Variants in PDXDC1 observed in about 807,000 individuals in gnomAD.
PDXDC1 encodes pyridoxal-dependent decarboxylase domain-containing protein 1.
Under a neutral mutation model 100.1 loss-of-function variants are expected in PDXDC1, and 42 were observed. The ratio of observed to expected loss-of-function variants is 0.42; its 90% CI spans 0.33 to 0.54. PDXDC1 has a LOEUF of 0.54. Among genes scored for constraint, PDXDC1 ranks in the 20% least tolerant of loss-of-function variants. The pLI, the probability that PDXDC1 is intolerant of heterozygous loss-of-function variation, is 0.10. For synonymous variants in PDXDC1, 260 were observed against 371.7 expected, an observed-to-expected ratio of 0.70 and a Z score of 3.46; for missense variants, 636 against 979.2, an observed-to-expected ratio of 0.65 and a Z score of 4.68.
At chr16:14,982,216 T>A (rs1309438905) in intron 1 of PDXDC1, among the ~76,000 whole-genome samples, 1 of 152,312 alleles carries the variant, frequency 6.6e-6, no homozygotes, top group Non-Finnish European at 1.5e-5. Flanking sequence ...ATGCTTAATC[T>A]TAATGAGCCA....
At chr16:15,033,118 C>G (rs2043168156) in intron 18 of PDXDC1, 139 bp downstream of exon 18, 6 of 975,548 alleles carry the variant, frequency 6.2e-6, no homozygotes, top group Non-Finnish European at 8.0e-6. Flanking sequence ...TGAGACCTCC[C>G]TCCCCTTCTG....
intron 16 of PDXDC1, chr16:15,084,748 T>G: frequency 7.3e-7 from 1 of 1,377,046 alleles, no homozygotes; most frequent in Non-Finnish European, 1.0e-6. Flanking sequence ...AAAACAAAAC[T>G]GAAGGGCGAC....
chr16:15,124,629 GGGTGCGGT>G (rs2047604477), intron 16 of PDXDC1, among the ~76,000 whole-genome samples: 1 of 149,846 alleles, frequency 6.7e-6, no homozygotes, highest in Non-Finnish European at 1.5e-5. Context: ...AAAATTAGCC[GGGTGCGGT>G]GGTGGGCGCC....
intron 1 of PDXDC1, among the ~76,000 whole-genome samples, chr16:14,992,929 G>C (rs1213423477): frequency 4.0e-5 from 6 of 151,256 alleles, no homozygotes; most frequent in African/African-American, 1.5e-4. Flanking sequence ...ATAGCTTACT[G>C]TAGCCTCAAA....
chr16:15,015,507 G>A (rs1459048604), intron 8 of PDXDC1, among the ~76,000 whole-genome samples: 1 of 152,118 alleles, frequency 6.6e-6, no homozygotes, highest in Non-Finnish European at 1.5e-5. Flanking sequence ...ACGAGGTCAG[G>A]AGTTCGAGAC....
At chr16:15,011,456 CAA>C (rs2041255273) in intron 8 of PDXDC1, among the ~76,000 whole-genome samples, 1 of 152,256 alleles carries the variant, frequency 6.6e-6, no homozygotes, top group Non-Finnish European at 1.5e-5. Context: ...TAAAATGTCT[CAA>C]AGAAAATACA....
At chr16:15,005,047 C>G (rs1308548252) in intron 5 of PDXDC1, among the ~76,000 whole-genome samples, 12 of 152,370 alleles carry the variant, frequency 7.9e-5, no homozygotes, top group Admixed American at 6.5e-4. Context: ...AAAATATTAG[C>G]TTGTGTTTTT....
chr16:15,060,852 A>G (rs953496754), intron 16 of PDXDC1: 3 of 152,236 alleles, frequency 2.0e-5, no homozygotes, highest in African/African-American at 7.2e-5. Context: ...AATTCCCAAT[A>G]ACTAAGTGAT....
intron 13 of PDXDC1, 143 bp downstream of exon 13, chr16:15,022,897 AC>A (rs200453893): frequency 3.3e-3 from 2,480 of 752,690 alleles, no homozygotes; most frequent in Admixed American, 9.5e-3. Context: ...AAACAAAAAA[AC>A]GAAACAAAAA....
At chr16:15,069,939 T>C in intron 16 of PDXDC1, 1 of 1,367,316 alleles carries the variant, frequency 7.3e-7, no homozygotes, top group East Asian at 2.3e-5. Context: ...AAATTATTAT[T>C]AAAAGTTTGA....
At chr16:15,040,993 C>T (rs112741639), downstream of PDXDC1, 9 of 982,950 alleles carry the variant, frequency 9.2e-6, no homozygotes, top group South Asian at 2.6e-5. Context: ...GCAGTGGGGT[C>T]ATTGGTTTGC....
At chr16:15,133,980 C>T (rs533775798) in intron 16 of PDXDC1, 56 of 1,327,826 alleles carry the variant, frequency 4.2e-5, no homozygotes, top group African/African-American at 5.8e-5. Context: ...CAGCACGCCC[C>T]GCCGCAGCAC....
At chr16:14,986,842 G>T (rs1338707686) in intron 1 of PDXDC1, among the ~76,000 whole-genome samples, 52 of 152,284 alleles carry the variant, frequency 3.4e-4, no homozygotes, top group Admixed American at 3.4e-3. Context: ...CGCCTCCCAG[G>T]TTCGAGTGAT....
chr16:15,037,175 C>G lies in PDXDC1; in HGVS notation c.*900C>G, dbSNP rs2043504409. 1 of 152,240 alleles carries G rather than the reference C, an allele frequency of 6.6e-6. No homozygotes were observed. Among genetic ancestry groups the G allele is most frequent in the Non-Finnish European group, 1.5e-5 (1 of 68,066 alleles). The allele number at this position is 152,240 out of a possible 1,614,324, so 9.4% of individuals were successfully genotyped here. ...CCTGGCAGCTCGCCTGGGCCCAACT[C>G]AGAAACAGGAGCCAGCAGAGCACTC... On this transcript the variant is annotated 3_prime_UTR_variant, in exon 23 of 23. Transcript: ENST00000396410.
chr16:15,040,200 T>TC (rs548576269), downstream of PDXDC1: 1 of 466,800 alleles, frequency 2.1e-6, no homozygotes, highest in Non-Finnish European at 3.8e-6. Flanking sequence ...TATCTGGACT[T>TC]CCCCCTCCCT....
At chr16:14,977,903 C>T (rs1420668393) in intron 1 of PDXDC1, among the ~76,000 whole-genome samples, 2 of 152,260 alleles carry the variant, frequency 1.3e-5, no homozygotes, top group Non-Finnish European at 2.9e-5. Flanking sequence ...ATTTGATGCT[C>T]ACCCTCTAAA....
chr16:15,144,967 C>G, the PDXDC1 span, among the ~76,000 whole-genome samples: 1 of 152,166 alleles, frequency 6.6e-6, no homozygotes, highest in Non-Finnish European at 1.5e-5. Flanking sequence ...ACACAGCTGA[C>G]ATGGAGCCAG....
At chr16:15,002,159 C>G (rs1352304086) in intron 4 of PDXDC1, among the ~76,000 whole-genome samples, 2 of 152,284 alleles carry the variant, frequency 1.3e-5, no homozygotes, top group African/African-American at 2.4e-5. Flanking sequence ...CTAAGAATTG[C>G]TGTAGTTGTA....
intron 12 of PDXDC1, among the ~76,000 whole-genome samples, chr16:15,021,471 T>A (rs1253600082): frequency 2.0e-5 from 3 of 152,292 alleles, no homozygotes; most frequent in African/African-American, 7.2e-5. Context: ...TGCTATTAGC[T>A]CACTTCTTGA....
Sources: allele counts gnomAD v4.1 joint callset (sites outside exome capture counted in the v4.1 genomes callset), GRCh38; gene constraint gnomAD v4.1.1; transcripts MANE v1.5; gene names NCBI Gene and HGNC (gene_info 2026-07-23, HGNC 2026-07-21).